Variants in GRID2 observed in about 807,000 individuals in gnomAD.
GRID2 encodes glutamate ionotropic receptor delta type subunit 2.
GRID2 carries 33 observed loss-of-function variants against 114.8 expected under a neutral mutation model. That is an observed-to-expected ratio of 0.29 (90% CI 0.22 to 0.38). The LOEUF (loss-of-function observed/expected upper bound fraction) is 0.38, where lower values mean the gene tolerates loss of function less well. Ranked by LOEUF, GRID2 falls within the 10% of genes least tolerant of loss-of-function variation. The pLI is 1.00. For synonymous variants in GRID2, 505 were observed against 449.9 expected (o/e 1.12, Z -1.55); for missense variants, 1,184 against 1,257.7 (o/e 0.94, Z 0.89).
chr4:93,140,677 CACCTT>C (rs1219221387), intron 4 of GRID2, among the ~76,000 whole-genome samples: 1 of 152,110 alleles, frequency 6.6e-6, no homozygotes, highest in Non-Finnish European at 1.5e-5. Flanking sequence ...TTTGTATAGT[CACCTT>C]AACTTAGTGT....
At chr4:93,581,108 C>T (rs956418004) in intron 13 of GRID2, among the ~76,000 whole-genome samples, 10 of 149,328 alleles carry the variant, frequency 6.7e-5, no homozygotes, top group Non-Finnish European at 1.5e-4. Context: ...CCCCCACCCC[C>T]CAACAGCCCC....
chr4:93,171,019 A>C (rs928458960), intron 4 of GRID2, among the ~76,000 whole-genome samples: 3 of 152,150 alleles, frequency 2.0e-5, no homozygotes, highest in African/African-American at 7.2e-5. Context: ...TGCCCATGCC[A>C]CCTACGGTTT....
intron 4 of GRID2, among the ~76,000 whole-genome samples, chr4:93,156,535 C>A (rs905423937): frequency 4.6e-5 from 7 of 151,600 alleles, no homozygotes; most frequent in African/African-American, 1.7e-4. Context: ...GTTGACAGAT[C>A]ATGGTGTTTG....
At chr4:93,000,587 G>A (rs1720854774) in intron 2 of GRID2, among the ~76,000 whole-genome samples, 1 of 151,466 alleles carries the variant, frequency 6.6e-6, no homozygotes, top group Non-Finnish European at 1.5e-5. Flanking sequence ...TGTTAATAGT[G>A]CTCTAGCACA....
intron 4 of GRID2, among the ~76,000 whole-genome samples, chr4:93,176,271 A>G (rs1739337393): frequency 6.6e-6 from 1 of 152,182 alleles, no homozygotes; most frequent in East Asian, 1.9e-4. Context: ...GTTGTTAGTG[A>G]TAAGAAATTT....
At chr4:92,500,785 A>G (rs1277378219) in intron 1 of GRID2, among the ~76,000 whole-genome samples, 2 of 152,152 alleles carry the variant, frequency 1.3e-5, no homozygotes, top group East Asian at 3.9e-4. Flanking sequence ...CCTTAGGAAT[A>G]TGGGTGAAAC....
At chr4:93,106,071 C>T (rs964173693) in intron 3 of GRID2, among the ~76,000 whole-genome samples, 5 of 152,150 alleles carry the variant, frequency 3.3e-5, no homozygotes, top group African/African-American at 1.2e-4. Flanking sequence ...AATGAGCCTT[C>T]CACCACCTGT....
intron 1 of GRID2, among the ~76,000 whole-genome samples, chr4:92,330,540 C>A (rs925425814): frequency 9.9e-5 from 15 of 152,064 alleles, no homozygotes; most frequent in Admixed American, 2.0e-4. Flanking sequence ...AATTCCTCCC[C>A]TCAAGAAAGA....
At chr4:92,461,476 C>T (rs1168113522) in intron 1 of GRID2, among the ~76,000 whole-genome samples, 2 of 151,904 alleles carry the variant, frequency 1.3e-5, no homozygotes. Context: ...CTCTAAGAAA[C>T]TTGAAATGAC....
At chr4:92,358,468 T>C (rs545009076) in intron 1 of GRID2, among the ~76,000 whole-genome samples, 2 of 151,874 alleles carry the variant, frequency 1.3e-5, no homozygotes, top group East Asian at 1.9e-4. Flanking sequence ...ACAGAAACAC[T>C]TGGGGAACAA....
intron 2 of GRID2, among the ~76,000 whole-genome samples, chr4:93,022,844 G>C (rs999025426): frequency 2.6e-5 from 4 of 151,650 alleles, no homozygotes; most frequent in Admixed American, 2.6e-4. Context: ...TTCTTTGCCT[G>C]CTGCATGTTT....
intron 14 of GRID2, among the ~76,000 whole-genome samples, chr4:93,657,725 T>C (rs907012075): frequency 1.3e-5 from 2 of 152,184 alleles, no homozygotes; most frequent in Non-Finnish European, 2.9e-5. Context: ...CTAGTTCTAT[T>C]TGTTCGTTTG....
intron 7 of GRID2, among the ~76,000 whole-genome samples, chr4:93,232,809 A>C (rs927728096): frequency 6.6e-6 from 1 of 152,124 alleles, no homozygotes; most frequent in African/African-American, 2.4e-5. Context: ...GTATTTTTTG[A>C]AATGATAAAA....
At chr4:92,644,781 A>T (rs994706563) in intron 2 of GRID2, among the ~76,000 whole-genome samples, 1 of 151,610 alleles carries the variant, frequency 6.6e-6, no homozygotes, top group Non-Finnish European at 1.5e-5. Flanking sequence ...GTTCAAATAA[A>T]CTTTCTCAAA....
chr4:92,317,530 A>AT (rs1182630952), intron 1 of GRID2, among the ~76,000 whole-genome samples: 4 of 152,048 alleles, frequency 2.6e-5, no homozygotes, highest in African/African-American at 7.2e-5. Context: ...GGCTGCTTTG[A>AT]TTTTTTCTTT....
chr4:93,594,955 G>T (rs966244233), intron 13 of GRID2, among the ~76,000 whole-genome samples: 1 of 152,280 alleles, frequency 6.6e-6, no homozygotes, highest in Middle Eastern at 3.4e-3. Flanking sequence ...CCACTGTCTG[G>T]CACTCCCTAG....
intron 14 of GRID2, among the ~76,000 whole-genome samples, chr4:93,754,408 G>A (rs1045325856): frequency 1.3e-5 from 2 of 152,070 alleles, no homozygotes; most frequent in Non-Finnish European, 1.5e-5. Context: ...TCTACAAAGT[G>A]GATCTGTTCT....
chr4:92,547,060 T>C (rs1013658932), intron 1 of GRID2, among the ~76,000 whole-genome samples: 1 of 152,154 alleles, frequency 6.6e-6, no homozygotes, highest in African/African-American at 2.4e-5. Flanking sequence ...CCTTTGAGAA[T>C]TGCTCTTCCA....
At chr4:93,141,547 T>G (rs1735767941) in intron 4 of GRID2, among the ~76,000 whole-genome samples, 1 of 152,174 alleles carries the variant, frequency 6.6e-6, no homozygotes, top group African/African-American at 2.4e-5. Flanking sequence ...CAGGGTATTC[T>G]TTAAAGCTTT....
Sources: allele counts gnomAD v4.1 joint callset (sites outside exome capture counted in the v4.1 genomes callset), GRCh38; gene constraint gnomAD v4.1.1; transcripts MANE v1.5; gene names NCBI Gene and HGNC (gene_info 2026-07-23, HGNC 2026-07-21).